SV2C: variants seen among roughly 807,000 people sequenced by gnomAD.
The protein encoded by SV2C is synaptic vesicle glycoprotein 2C, also known as solute carrier family 22 member B3.
A neutral mutation model predicts 79.7 loss-of-function variants in SV2C; 49 were observed. The observed-to-expected ratio is 0.61, with a 90% CI of 0.49 to 0.78. The LOEUF is 0.78. Among genes scored for constraint, SV2C ranks in the 30% least tolerant of loss-of-function variants. SV2C has a pLI of 0.00. For synonymous variants in SV2C, 334 were observed against 333.2 expected, an observed-to-expected ratio of 1.00 and a Z score of -0.03; for missense variants, 833 against 912.9, an observed-to-expected ratio of 0.91 and a Z score of 1.13.
At chr5:75,905,224 T>G in the SV2C span, among the ~76,000 whole-genome samples, 1 of 152,210 alleles carries the variant, frequency 6.6e-6, no homozygotes. Context: ...CAAAGTTACC[T>G]CTATTTTTTC....
At chr5:75,962,846 C>G in the SV2C span, among the ~76,000 whole-genome samples, 1 of 151,996 alleles carries the variant, frequency 6.6e-6, no homozygotes, top group Non-Finnish European at 1.5e-5. Context: ...GGAATGGTTC[C>G]CACAGAATAA....
At chr5:76,001,328 C>T in the SV2C span, among the ~76,000 whole-genome samples, 14 of 152,096 alleles carry the variant, frequency 9.2e-5, no homozygotes, top group South Asian at 2.1e-4. Context: ...CCGCCAGGCG[C>T]GGTGGCTCAT....
chr5:75,970,713 A>C, the SV2C span, among the ~76,000 whole-genome samples: 1 of 152,162 alleles, frequency 6.6e-6, no homozygotes, highest in Admixed American at 6.5e-5. Context: ...GTCCAGGACC[A>C]GATGGATTCA....
At chr5:76,153,137 G>T (rs1371414969) in intron 2 of SV2C, among the ~76,000 whole-genome samples, 4 of 152,162 alleles carry the variant, frequency 2.6e-5, no homozygotes, top group Admixed American at 2.6e-4. Flanking sequence ...ATCTTGAGCT[G>T]CTCCTATTTT....
chr5:76,133,669 A>T (rs535860720), intron 2 of SV2C, among the ~76,000 whole-genome samples: 38 of 152,318 alleles, frequency 2.5e-4, no homozygotes, highest in African/African-American at 8.2e-4. Flanking sequence ...TGGTACACTC[A>T]TTTGTGTGTT....
chr5:76,063,308 C>G, the SV2C span, among the ~76,000 whole-genome samples: 14 of 152,106 alleles, frequency 9.2e-5, no homozygotes, highest in Non-Finnish European at 1.6e-4. Flanking sequence ...TCCTCATTTT[C>G]CTTGCGGCAA....
the SV2C span, among the ~76,000 whole-genome samples, chr5:75,941,447 A>G: frequency 6.6e-6 from 1 of 152,212 alleles, no homozygotes; most frequent in Non-Finnish European, 1.5e-5. Flanking sequence ...TTGTTATAAG[A>G]TAGCCACCAG....
At chr5:76,309,201 G>A (rs1453523093) in intron 12 of SV2C, among the ~76,000 whole-genome samples, 1 of 152,162 alleles carries the variant, frequency 6.6e-6, no homozygotes, top group Non-Finnish European at 1.5e-5. Flanking sequence ...TGGGGACGGG[G>A]AGACTTTGAG....
chr5:75,991,242 A>T, the SV2C span, among the ~76,000 whole-genome samples: 23 of 152,056 alleles, frequency 1.5e-4, no homozygotes, highest in African/African-American at 5.1e-4. Context: ...GACAATAGGC[A>T]CATTGTAGTA....
intron 1 of SV2C, among the ~76,000 whole-genome samples, chr5:76,101,148 G>A (rs1408982556): frequency 6.6e-6 from 1 of 152,064 alleles, no homozygotes; most frequent in Non-Finnish European, 1.5e-5. Flanking sequence ...TTGGGGAGTG[G>A]CGAGTGATCC....
At chr5:75,963,786 C>T in the SV2C span, among the ~76,000 whole-genome samples, 2 of 152,010 alleles carry the variant, frequency 1.3e-5, no homozygotes, top group African/African-American at 4.8e-5. Context: ...TCCTGGAATG[C>T]CTATAAGCCA....
rs116518745 is a variant in SV2C at position 76,342,054 on chromosome 5, C to T, written c.2001-11076C>T. On this transcript the variant is annotated intron_variant, in intron 12 of 12. Transcript: ENST00000322285. ...GTGATTCTGCTTCCCACAAAAGCAG[C>T]CTGCACAGGGCCCTTCTCAGTGCAC... Among the ~76,000 whole-genome samples the T allele has an allele frequency of 7.7e-3, 1,177 of 152,294 alleles. 17 individuals carry two copies. Among genetic ancestry groups the T allele is most frequent in the African/African-American group, 0.027 (1,132 of 41,544 alleles).
At chr5:76,321,263 A>AT in intron 12 of SV2C, among the ~76,000 whole-genome samples, 1 of 151,728 alleles carries the variant, frequency 6.6e-6, no homozygotes. Context: ...TAAATGCTGC[A>AT]TTTTGCCCCT....
intron 1 of SV2C, among the ~76,000 whole-genome samples, chr5:76,102,734 C>A (rs73130230): frequency 6.6e-6 from 1 of 152,100 alleles, no homozygotes; most frequent in South Asian, 2.1e-4. Flanking sequence ...CATGTGAGAG[C>A]CTTATAAAGA....
At chr5:76,139,843 A>C in intron 2 of SV2C, among the ~76,000 whole-genome samples, 1 of 72,664 alleles carries the variant, frequency 1.4e-5, no homozygotes, top group Non-Finnish European at 4.3e-5. Context: ...CATTTTTAGA[A>C]GCTCTTGAAA....
At chr5:75,902,653 C>T in the SV2C span, among the ~76,000 whole-genome samples, 1 of 152,190 alleles carries the variant, frequency 6.6e-6, no homozygotes, top group Non-Finnish European at 1.5e-5. Context: ...TTTGCCATAG[C>T]CATGGAAGAG....
At chr5:75,967,162 T>C in the SV2C span, among the ~76,000 whole-genome samples, 1 of 152,084 alleles carries the variant, frequency 6.6e-6, no homozygotes, top group Admixed American at 6.5e-5. Context: ...GGTGAGACCC[T>C]ATCTCTACCA....
At chr5:76,339,964 G>A (rs564040377) in intron 12 of SV2C, among the ~76,000 whole-genome samples, 1 of 152,230 alleles carries the variant, frequency 6.6e-6, no homozygotes, top group South Asian at 2.1e-4. Flanking sequence ...GAAGATACAG[G>A]TCATAAAGAC....
intron 1 of SV2C, among the ~76,000 whole-genome samples, chr5:76,130,240 A>G (rs1748842550): frequency 6.6e-6 from 1 of 150,652 alleles, no homozygotes; most frequent in African/African-American, 2.4e-5. Flanking sequence ...AAAACCTTGC[A>G]ATCATATGTT....
Sources: allele counts gnomAD v4.1 joint callset (sites outside exome capture counted in the v4.1 genomes callset), GRCh38; gene constraint gnomAD v4.1.1; transcripts MANE v1.5; gene names NCBI Gene and HGNC (gene_info 2026-07-23, HGNC 2026-07-21).